RPS6KA3: variants seen among roughly 807,000 people sequenced by gnomAD.
RPS6KA3 encodes the protein ribosomal protein S6 kinase A3.
In RPS6KA3, 4 loss-of-function variants were observed where a neutral mutation model predicts 67.2. The ratio of observed to expected loss-of-function variants is 0.06; its 90% confidence interval spans 0.03 to 0.14. RPS6KA3 has a LOEUF of 0.14. Ranked by LOEUF, RPS6KA3 falls within the 10% of genes least tolerant of loss-of-function variation. The probability of loss-of-function intolerance (pLI) is 1.00; values close to 1 mark genes in which losing one functional copy is unlikely to be tolerated. For missense variants in RPS6KA3, 204 were observed against 559.0 expected, an observed-to-expected ratio of 0.36 and a Z score of 6.40; for synonymous variants, 182 against 183.7, an observed-to-expected ratio of 0.99 and a Z score of 0.07.
intron 20 of RPS6KA3, among the ~76,000 whole-genome samples, chrX:20,160,037 T>C (rs1270927343): frequency 1.8e-5 from 2 of 112,148 alleles, no homozygotes; most frequent in Non-Finnish European, 3.8e-5. Flanking sequence ...ACCACCTATC[T>C]GCATGTGCTG....
At chrX:20,238,115 A>G (rs920844983) in intron 1 of RPS6KA3, among the ~76,000 whole-genome samples, 3 of 111,464 alleles carry the variant, frequency 2.7e-5, no homozygotes, top group Non-Finnish European at 5.7e-5. Flanking sequence ...AAGTTCCTTC[A>G]AACATTTCTT....
intron 1 of RPS6KA3, among the ~76,000 whole-genome samples, chrX:20,255,354 T>C (rs1472779954): frequency 2.2e-5 from 2 of 91,418 alleles, no homozygotes; most frequent in African/African-American, 6.2e-5. Context: ...ACCGCTAACA[T>C]GTATGAAATT....
At chrX:20,262,379 C>T (rs912897842) in intron 1 of RPS6KA3, among the ~76,000 whole-genome samples, 24 of 112,077 alleles carry the variant, frequency 2.1e-4, no homozygotes, top group African/African-American at 7.5e-4. Flanking sequence ...CAGGAGTACA[C>T]AGTCCAATTA....
At chrX:20,190,220 A>G (rs1305846728) in intron 7 of RPS6KA3, among the ~76,000 whole-genome samples, 1 of 111,885 alleles carries the variant, frequency 8.9e-6, no homozygotes, top group African/African-American at 3.2e-5. Flanking sequence ...TCAATAAACA[A>G]CATTCCTTTT....
Position 20,175,216 on chromosome X carries a change from G to A in RPS6KA3, c.1175C>T (p.Ser392Leu), listed in dbSNP as rs1200950094. ...FRGFSFVAITSDDESQAMQTV... is the reference protein window; with the variant it reads ...FRGFSFVAITLDDESQAMQTV... The stretch of plus-strand genomic sequence containing the variant: ...CTGCATAGCTTGGCTTTCATCATCT[G>A]AGGTAATAGCAACAAAACTAAACCC... Residue 392 changes from serine (S) to leucine (L), a missense_variant, in exon 14 of 22, where the codon TCA becomes TTA. Transcript: ENST00000379565. 1 of 1,205,894 alleles carries A rather than the reference G, an allele frequency of 8.3e-7. No homozygotes were observed. Among genetic ancestry groups the A allele is most frequent in the Non-Finnish European group, 1.1e-6 (1 of 889,994 alleles).
chrX:20,193,357 T>C, intron 7 of RPS6KA3, 130 bp downstream of exon 7: 1 of 457,029 alleles, frequency 2.2e-6, no homozygotes, highest in Admixed American at 3.5e-5. Context: ...GAAACTACAG[T>C]GTTAGCAGAG....
At chrX:20,200,269 TTA>T (rs1230738793) in intron 4 of RPS6KA3, among the ~76,000 whole-genome samples, 2 of 111,958 alleles carry the variant, frequency 1.8e-5, no homozygotes, top group Non-Finnish European at 3.8e-5. Context: ...AGGCAATAGA[TTA>T]TGTCTCCAAA....
chrX:20,162,841 T>G, intron 19 of RPS6KA3, 123 bp downstream of exon 19: 2 of 555,772 alleles, frequency 3.6e-6, no homozygotes, highest in East Asian at 6.8e-5. Context: ...AGTGAGACCC[T>G]GTCTCTAAAG....
At chrX:20,260,985 A>C (rs1275764634) in intron 1 of RPS6KA3, among the ~76,000 whole-genome samples, 1 of 112,219 alleles carries the variant, frequency 8.9e-6, no homozygotes, top group African/African-American at 3.2e-5. Context: ...TTTAAGAATG[A>C]GCAAAAACCA....
intron 9 of RPS6KA3, among the ~76,000 whole-genome samples, chrX:20,186,767 A>G (rs1482371274): frequency 8.9e-6 from 1 of 111,779 alleles, no homozygotes; most frequent in African/African-American, 3.3e-5. Flanking sequence ...TTCATCAATC[A>G]CATTTCAAAT....
At chrX:20,227,396 A>G (rs183549696) in intron 2 of RPS6KA3, among the ~76,000 whole-genome samples, 1,231 of 112,006 alleles carry the variant, frequency 0.011, 6 homozygotes, top group Middle Eastern at 0.018. Flanking sequence ...AAATAGGTCC[A>G]TATCTGAAAA....
chrX:20,197,218 A>C (rs894976421), intron 4 of RPS6KA3, among the ~76,000 whole-genome samples: 2 of 112,533 alleles, frequency 1.8e-5, no homozygotes, highest in African/African-American at 6.5e-5. Flanking sequence ...GTCTAGCCTA[A>C]ATCTGTCCTT....
At chrX:20,213,555 A>G (rs750537022) in intron 2 of RPS6KA3, among the ~76,000 whole-genome samples, 1 of 111,394 alleles carries the variant, frequency 9.0e-6, no homozygotes, top group East Asian at 2.8e-4. Flanking sequence ...ATTTGCTGCT[A>G]GCTGTATGTA....
chrX:20,257,232 A>G, intron 1 of RPS6KA3, among the ~76,000 whole-genome samples: 1 of 112,361 alleles, frequency 8.9e-6, no homozygotes. Context: ...AAGAAAGAGC[A>G]GTGATCTTAA....
chrX:20,237,368 G>A (rs183049653), intron 1 of RPS6KA3, among the ~76,000 whole-genome samples: 2 of 111,593 alleles, frequency 1.8e-5, no homozygotes, highest in African/African-American at 3.2e-5. Flanking sequence ...CTACACGTAC[G>A]TTTTTCATAG....
intron 4 of RPS6KA3, among the ~76,000 whole-genome samples, chrX:20,198,009 C>T (rs1225757984): frequency 8.9e-6 from 1 of 112,075 alleles, no homozygotes; most frequent in Non-Finnish European, 1.9e-5. Flanking sequence ...GTTTACAGAA[C>T]CTTTTAGACA....
chrX:20,215,115 C>T (rs1255550911), intron 2 of RPS6KA3, among the ~76,000 whole-genome samples: 1 of 111,738 alleles, frequency 8.9e-6, no homozygotes, highest in Non-Finnish European at 1.9e-5. Context: ...ACTGTCTCTA[C>T]TTTCTAAGAG....
intron 1 of RPS6KA3, among the ~76,000 whole-genome samples, chrX:20,242,348 C>T (rs919525236): frequency 9.0e-6 from 1 of 111,571 alleles, no homozygotes; most frequent in African/African-American, 3.3e-5. Flanking sequence ...TATTACAGTT[C>T]GAATCACTAA....
intron 2 of RPS6KA3, among the ~76,000 whole-genome samples, chrX:20,216,259 C>T (rs1353912186): frequency 1.8e-5 from 2 of 111,791 alleles, no homozygotes; most frequent in African/African-American, 6.5e-5. Context: ...ATCTACATCA[C>T]GTCTTCTTTC....
Sources: gnomAD v4.1 joint callset for allele counts (sites outside exome capture counted in the v4.1 genomes callset) on GRCh38, gnomAD v4.1.1 for gene constraint, MANE v1.5 for transcripts, NCBI Gene and HGNC (gene_info 2026-07-23, HGNC 2026-07-21) for gene names.